FANCE: variants seen among roughly 807,000 people sequenced by gnomAD.
FANCE encodes Fanconi anemia group E protein.
A neutral mutation model predicts 57.8 loss-of-function variants in FANCE; 42 were observed. The observed-to-expected ratio is 0.73, with a 90% CI of 0.57 to 0.94. The LOEUF is 0.94. FANCE is among the 40% of genes least tolerant of loss of function. FANCE has a pLI of 0.00. For missense variants in FANCE, 608 were observed against 661.8 expected, an observed-to-expected ratio of 0.92 and a Z score of 0.89; for synonymous variants, 251 against 286.4, an observed-to-expected ratio of 0.88 and a Z score of 1.25.
chr6:35,458,267 G>A, intron 4 of FANCE, 30 bp from the exon 5 acceptor site: 1 of 1,612,002 alleles, frequency 6.2e-7, no homozygotes, highest in Non-Finnish European at 8.5e-7. Flanking sequence ...ATGTCCCGGT[G>A]TCCTCTCTCC....
At chr6:35,462,117 A>AT (rs1554122312) in intron 8 of FANCE, among the ~76,000 whole-genome samples, 9,179 of 149,840 alleles carry the variant, frequency 0.061, 604 homozygotes, top group African/African-American at 0.16. Context: ...AATAATTATT[A>AT]TTTTTTTTGA....
At chr6:35,462,687 C>T (rs1263526630) in intron 8 of FANCE, 102 bp from the exon 9 acceptor site, 1 of 1,527,704 alleles carries the variant, frequency 6.5e-7, no homozygotes, top group African/African-American at 1.4e-5. Context: ...CCCAGGGTCA[C>T]CTAGCTAGGA....
At chr6:35,458,510 G>A (rs920363780) in intron 5 of FANCE, 70 bp downstream of exon 5, 7 of 1,579,256 alleles carry the variant, frequency 4.4e-6, no homozygotes, top group East Asian at 2.2e-5. Flanking sequence ...TCAGAAGGGT[G>A]GTACTTGAGA....
chr6:35,460,657 G>GCTTCCAAGGA, intron 8 of FANCE, 39 bp downstream of exon 8: 1 of 1,586,876 alleles, frequency 6.3e-7, no homozygotes, highest in Non-Finnish European at 8.6e-7. Context: ...ACAAAGAAGT[G>GCTTCCAAGGA]CTGCAGTCCT....
In FANCE at chr6:35,466,998, G is replaced by A. The variant is rs1207805472; in HGVS notation, c.*653G>A. On this transcript the variant is annotated 3_prime_UTR_variant, in exon 10 of 10. Transcript: ENST00000229769. ...GCTCCAGGAGGTCTGGGGTACCAGT[G>A]GGCTCAGATGAAGCTCTTGTGCTCA... The A allele has an allele frequency of 4.9e-5, 11 of 225,118 alleles. No homozygotes were observed. The East Asian group carries it at 7.1e-4, about 15-fold the overall frequency. 13.9% of individuals were successfully genotyped at this position (225,118 alleles called of 1,614,324 possible).
At position 35,457,941 on chromosome 6, in the gene FANCE, C is replaced by T. The variant is rs151020666; in HGVS notation, c.926C>T (p.Pro309Leu). Reference sequence around the variant, plus strand: ...GGGTTAGAGGGATTGGAGGATGCCCCCCCAGTTGAGCTACAGCTTCTTCAC... The same window carrying T: ...GGGTTAGAGGGATTGGAGGATGCCCTCCCAGTTGAGCTACAGCTTCTTCAC... The part of the protein sequence containing the change: ...EEGLEGLEDA[P>L]PVELQLLHEC... The change falls in exon 4 of 10, where the codon CCC becomes CTC. Residue 309 changes from proline to leucine, a missense_variant. By Grantham distance (98) the Pro-to-Leu change is moderately conservative (BLOSUM62 -3). Coordinates refer to ENST00000229769, the MANE Select transcript of FANCE (RefSeq NM_021922.3). The T allele has an allele frequency of 1.8e-5, 29 of 1,614,006 alleles. No homozygotes were observed. In the African/African-American group the frequency reaches 3.6e-4, roughly 20 times the overall value.
chr6:35,464,281 C>G (rs969313497), intron 9 of FANCE, among the ~76,000 whole-genome samples: 9 of 136,754 alleles, frequency 6.6e-5, no homozygotes, highest in African/African-American at 2.4e-4. Flanking sequence ...CTCTGTTGCC[C>G]AGGCTAGAGT....
rs1287430882 is a variant in FANCE at position 35,458,514 on chromosome 6, C to T, written c.1113+74C>T. ...CAACTGGGCCCTCAGAAGGGTGGTACTTGAGAGAGGGGATTCCCAGCCTTG... is the reference window on the plus strand; with the variant it reads ...CAACTGGGCCCTCAGAAGGGTGGTATTTGAGAGAGGGGATTCCCAGCCTTG... On this transcript the variant is annotated intron_variant, in intron 5 of 9. Transcript: ENST00000229769. The T allele has an allele frequency of 1.9e-6, 3 of 1,564,004 alleles. No homozygotes were observed. In the African/African-American group the frequency reaches 4.1e-5, roughly 21 times the overall value.
At position 35,456,178 on chromosome 6, in the gene FANCE, A is replaced by G; in HGVS notation, c.680A>G (p.Glu227Gly). ...PKRLRCWEEEEDHEKERPEHK... is the reference protein window; with the variant it reads ...PKRLRCWEEEGDHEKERPEHK... Reference sequence around the variant, plus strand: ...AGATTACGGTGTTGGGAAGAGGAAGAAGATCATGAGAAGGAGAGACCCGAA... The same window carrying G: ...AGATTACGGTGTTGGGAAGAGGAAGGAGATCATGAGAAGGAGAGACCCGAA... Residue 227 changes from glutamate (E) to glycine (G), a missense_variant, in exon 2 of 10, where the codon GAA (glutamate) becomes GGA (glycine). By Grantham distance (98) the Glu-to-Gly change is moderately conservative. Transcript: ENST00000229769. This position sits in a 1 kb window ranked among gnomAD's most constrained non-coding sequence, Gnocchi z 4.3. The G allele has an allele frequency of 1.9e-6, 3 of 1,614,210 alleles. No homozygotes were observed. Among genetic ancestry groups the G allele is most frequent in the South Asian group, 2.2e-5 (2 of 91,080 alleles).
rs2150901500 is a variant in FANCE at position 35,462,846 on chromosome 6, C to T, written c.1441C>T (p.Leu481=). ...VLMEKLCKKG[L]AATTSMAYAK... is the part of the protein sequence containing the mutation. ...AATGGAGAAGCTCTGTAAAAAGGGG[C>T]TGGCAGCCACCACCTCCATGGCCTA... Residue 481 remains leucine (L), a synonymous_variant, in exon 9 of 10, where the codon CTG becomes TTG. Transcript: ENST00000229769. 2 of 1,614,208 alleles carry T rather than the reference C, an allele frequency of 1.2e-6. 1 individual carries two copies.
intron 1 of FANCE, 82 bp from the exon 2 acceptor site, chr6:35,455,665 A>G: frequency 6.4e-7 from 1 of 1,562,392 alleles, no homozygotes; most frequent in East Asian, 2.2e-5. Flanking sequence ...GTCCACCGCC[A>G]TCTAGCCCCC....
At chr6:35,463,566 A>C (rs1400594163) in intron 9 of FANCE, among the ~76,000 whole-genome samples, 1 of 152,202 alleles carries the variant, frequency 6.6e-6, no homozygotes, top group Non-Finnish European at 1.5e-5. Flanking sequence ...AAGATCTGGT[A>C]GGAGCCAGGT....
In FANCE at chr6:35,456,230, TGGA is replaced by T. The variant is rs45451605; in HGVS notation, c.736_738del (p.Gly246del). 1.2e-3 allele frequency: 1,872 copies of T among 1,614,138 alleles called. 10 individuals carry two copies. The African/African-American group carries it at 0.016, about 14-fold the overall frequency. Reference sequence around the variant, plus strand: ...ATAAGTCACTGGAATCCCTGGCAGATGGAGGAAGTGCATCTCCTATTAAGGACC... The same window carrying T: ...ATAAGTCACTGGAATCCCTGGCAGATGGAAGTGCATCTCCTATTAAGGACC... On this transcript the variant is annotated inframe_deletion, in exon 2 of 10. Transcript: ENST00000229769. This position sits in a 1 kb window ranked among gnomAD's most constrained non-coding sequence, Gnocchi z 4.3.
At chr6:35,460,501 C>T in intron 7 of FANCE, 51 bp from the exon 8 acceptor site, 2 of 1,557,984 alleles carry the variant, frequency 1.3e-6, no homozygotes, top group Non-Finnish European at 1.8e-6. Context: ...GATAGATACT[C>T]AGGCTTGGGT....
At chr6:35,460,051 T>A (rs1252141444) in intron 7 of FANCE, among the ~76,000 whole-genome samples, 2 of 148,930 alleles carry the variant, frequency 1.3e-5, no homozygotes, top group East Asian at 4.0e-4. Flanking sequence ...TTGTATGAGC[T>A]CTGCAACAGT....
chr6:35,461,903 T>C (rs1767605546), intron 8 of FANCE, among the ~76,000 whole-genome samples: 1 of 151,964 alleles, frequency 6.6e-6, no homozygotes, highest in African/African-American at 2.4e-5. Flanking sequence ...GGCCTCGGCC[T>C]TCCAAAGTGC....
chr6:35,459,944 T>G (rs45622732), intron 7 of FANCE, among the ~76,000 whole-genome samples, 184 bp downstream of exon 7: 69 of 152,274 alleles, frequency 4.5e-4, no homozygotes, highest in Non-Finnish European at 8.1e-4. Context: ...CGATGCACTT[T>G]CTACTCCTAG....
chr6:35,457,460 C>T (rs1767390858), intron 2 of FANCE, 96 bp from the exon 3 acceptor site: 7 of 1,392,682 alleles, frequency 5.0e-6, no homozygotes, highest in South Asian at 3.5e-5. Flanking sequence ...CTAGCTCCCA[C>T]TGACCTGGGG....
intron 7 of FANCE, 143 bp from the exon 8 acceptor site, chr6:35,460,409 C>G (rs1343485913): frequency 1.3e-6 from 1 of 780,026 alleles, no homozygotes; most frequent in Non-Finnish European, 2.2e-6. Flanking sequence ...AGCCACTGTG[C>G]CCCACCCCTG....
Sources: allele counts gnomAD v4.1 joint callset (sites outside exome capture counted in the v4.1 genomes callset), GRCh38; gene constraint gnomAD v4.1.1; non-coding constraint Gnocchi (gnomAD v3.1); transcripts MANE v1.5; gene names NCBI Gene and HGNC (gene_info 2026-07-23, HGNC 2026-07-21).